NEDD4L: variants seen among roughly 807,000 people sequenced by gnomAD.
NEDD4L encodes the protein E3 ubiquitin-protein ligase NEDD4-like.
NEDD4L carries 54 observed loss-of-function variants against 148.9 expected under a neutral mutation model. The ratio of observed to expected loss-of-function variants is 0.36; its 90% CI spans 0.29 to 0.45. The LOEUF (loss-of-function observed/expected upper bound fraction) is 0.45. Among genes scored for constraint, NEDD4L ranks in the 20% least tolerant of loss-of-function variants. The probability of loss-of-function intolerance (pLI) is 1.00; values close to 1 mark genes in which losing one functional copy is unlikely to be tolerated. For synonymous variants in NEDD4L, 433 were observed against 440.7 expected, an observed-to-expected ratio of 0.98 and a Z score of 0.22; for missense variants, 856 against 1,233.8, an observed-to-expected ratio of 0.69 and a Z score of 4.59.
At chr18:58,291,837 G>A (rs4941379) in intron 5 of NEDD4L, among the ~76,000 whole-genome samples, 64,627 of 151,760 alleles carry the variant, frequency 0.43, 14,119 homozygotes, top group African/African-American at 0.52. Flanking sequence ...CTAGTATAAA[G>A]ATGTATTCAG....
intron 23 of NEDD4L, 96 bp downstream of exon 23, chr18:58,370,563 TG>T (rs2046726850): frequency 2.3e-5 from 18 of 787,144 alleles, no homozygotes; most frequent in Non-Finnish European, 4.1e-5. Context: ...GCCACTTTTA[TG>T]GGTGTTGCAT....
Position 58,075,768 on chromosome 18 carries a change from AT to A in NEDD4L, c.48+31070del, listed in dbSNP as rs769915456. ...ATAGCAAGACCCCCATCCCTACAAAATTTTTTTTTTAAATTAGCTGGTGGTG... is the reference window on the plus strand; with the variant it reads ...ATAGCAAGACCCCCATCCCTACAAAATTTTTTTTTAAATTAGCTGGTGGTG... On this transcript the variant is annotated intron_variant, in intron 1 of 30. Coordinates refer to ENST00000400345, the MANE Select transcript of NEDD4L (RefSeq NM_001144967.3). Among the ~76,000 whole-genome samples, 41 of 150,812 alleles carry A rather than the reference AT, an allele frequency of 2.7e-4. 1 individual carries two copies. Among genetic ancestry groups the A allele is most frequent in the African/African-American group, 6.6e-4 (27 of 41,136 alleles).
At chr18:58,270,414 C>T (rs2050870219) in intron 5 of NEDD4L, among the ~76,000 whole-genome samples, 1 of 152,220 alleles carries the variant, frequency 6.6e-6, no homozygotes, top group African/African-American at 2.4e-5. Flanking sequence ...AACTGTAGCT[C>T]AGTCTTGGCC....
chr18:58,044,664 G>A lies in NEDD4L; in HGVS notation c.4G>A (p.Ala2Thr). The A allele has an allele frequency of 6.2e-7, 1 of 1,601,856 alleles. No homozygotes were observed. Among genetic ancestry groups the A allele is most frequent in the Non-Finnish European group, 8.5e-7 (1 of 1,174,628 alleles). M[A>T]TGLGEPVYGL... is the part of the protein sequence containing the mutation. ...CCCCGCGCGGGGCGCCGGCTCCATG[G>A]CGACCGGGCTCGGGGAGCCGGTCTA... The change falls in exon 1 of 31, where the codon GCG becomes ACG. Residue 2 changes from alanine (A) to threonine (T), a missense_variant. Ala to Thr is a moderately conservative substitution (Grantham distance 58). This residue lies in a region of NEDD4L where 193 missense variants were observed against 244.2 expected (regional missense o/e 0.79). Coordinates refer to ENST00000400345, the MANE Select transcript of NEDD4L (RefSeq NM_001144967.3).
chr18:58,240,059 G>A (rs971182908), intron 2 of NEDD4L, among the ~76,000 whole-genome samples: 12 of 152,274 alleles, frequency 7.9e-5, no homozygotes, highest in Admixed American at 5.2e-4. Flanking sequence ...TGAGTATCTT[G>A]GCATCTGTCA....
At chr18:58,244,364 C>T (rs2046997469) in intron 2 of NEDD4L, among the ~76,000 whole-genome samples, 1 of 151,980 alleles carries the variant, frequency 6.6e-6, no homozygotes, top group South Asian at 2.1e-4. Context: ...TCTTCTATAC[C>T]CTAAATTCTT....
intron 2 of NEDD4L, among the ~76,000 whole-genome samples, chr18:58,167,699 A>G (rs975228011): frequency 1.3e-5 from 2 of 151,982 alleles, no homozygotes; most frequent in Non-Finnish European, 2.9e-5. Flanking sequence ...ACTACTTAAC[A>G]TATAGAGCAT....
At chr18:58,264,566 G>C (rs967261305) in intron 5 of NEDD4L, among the ~76,000 whole-genome samples, 1 of 152,042 alleles carries the variant, frequency 6.6e-6, no homozygotes, top group African/African-American at 2.4e-5. Context: ...GGGGGTACAT[G>C]TGATATCTTG....
intron 5 of NEDD4L, among the ~76,000 whole-genome samples, chr18:58,293,670 CT>C (rs2149149327): frequency 6.6e-6 from 1 of 152,260 alleles, no homozygotes; most frequent in Non-Finnish European, 1.5e-5. Context: ...CATATGTTTT[CT>C]GGTATATAAT....
chr18:58,280,116 C>T (rs1389611359), intron 5 of NEDD4L, among the ~76,000 whole-genome samples: 3 of 152,260 alleles, frequency 2.0e-5, no homozygotes, highest in Admixed American at 6.5e-5. Flanking sequence ...CTGTGTTTCC[C>T]GGGCTGGTCT....
In NEDD4L at chr18:58,161,863, C is replaced by T. The variant is rs190498689; in HGVS notation, c.49-3925C>T. Among the ~76,000 whole-genome samples the T allele has an allele frequency of 6.6e-5, 10 of 152,198 alleles. No homozygotes were observed. The East Asian group carries it at 1.9e-3, about 29-fold the overall frequency. On this transcript the variant is annotated intron_variant, in intron 1 of 30. Transcript: ENST00000400345. ...TATGGGGCCAGTTTTGAAGAGGCCT[C>T]ATACCTTTTGGCCACATTCCATTGG... is the stretch of plus-strand genomic sequence containing the variant.
intron 2 of NEDD4L, among the ~76,000 whole-genome samples, chr18:58,205,982 A>G (rs1599692196): frequency 6.6e-6 from 1 of 152,182 alleles, no homozygotes; most frequent in East Asian, 1.9e-4. Context: ...TCCAGTTCAG[A>G]TACCACCTTC....
At chr18:58,350,920 T>TCC in intron 17 of NEDD4L, 71 bp from the exon 18 acceptor site, 1 of 1,210,914 alleles carries the variant, frequency 8.3e-7, no homozygotes, top group East Asian at 2.5e-5. Flanking sequence ...AGTTTTTAAA[T>TCC]GTTGCCTTTG....
At chr18:58,189,874 A>G (rs1368977808) in intron 2 of NEDD4L, 2 of 152,174 alleles carry the variant, frequency 1.3e-5, no homozygotes, top group East Asian at 1.9e-4. Context: ...GAAGTCAAGT[A>G]TCTTCTATTT....
intron 2 of NEDD4L, among the ~76,000 whole-genome samples, chr18:58,203,031 A>G (rs1433228850): frequency 6.6e-6 from 1 of 151,952 alleles, no homozygotes; most frequent in Admixed American, 6.6e-5. Flanking sequence ...ACTGAGACAC[A>G]CTTGTAGCTC....
chr18:58,045,548 C>T (rs528114071), intron 1 of NEDD4L: 132 of 157,470 alleles, frequency 8.4e-4, no homozygotes, highest in Non-Finnish European at 1.3e-3. Flanking sequence ...CCCACTCCCC[C>T]CTTTTGAAAC....
In NEDD4L at chr18:58,361,350, A is replaced by T. The variant is rs146513932; in HGVS notation, c.1768-2918A>T. Among the ~76,000 whole-genome samples the T allele has an allele frequency of 1.5e-3, 235 of 152,354 alleles. 1 individual carries two copies. Among genetic ancestry groups the T allele is most frequent in the Admixed American group, 2.9e-3 (44 of 15,310 alleles). ...TCCTGTAAGTTAGCATGCTCTGTGT[A>T]TAGCAGATATCACTAGTAATAGCAT... On this transcript the variant is annotated intron_variant, in intron 19 of 30. Coordinates refer to ENST00000400345, the MANE Select transcript of NEDD4L (RefSeq NM_001144967.3).
At chr18:58,361,954 T>G (rs2045544442) in intron 19 of NEDD4L, among the ~76,000 whole-genome samples, 1 of 152,152 alleles carries the variant, frequency 6.6e-6, no homozygotes, top group Non-Finnish European at 1.5e-5. Context: ...CCTGGTACGT[T>G]GTTGGAAAGT....
chr18:58,311,284 TC>T (rs1351899114), intron 5 of NEDD4L, among the ~76,000 whole-genome samples: 1 of 152,244 alleles, frequency 6.6e-6, no homozygotes, highest in Non-Finnish European at 1.5e-5. Flanking sequence ...AAAAAATACT[TC>T]CTGTGTACCA....
Sources: allele counts gnomAD v4.1 joint callset (sites outside exome capture counted in the v4.1 genomes callset), GRCh38; gene constraint gnomAD v4.1.1; regional missense constraint gnomAD v4.1.1; transcripts MANE v1.5; gene names NCBI Gene and HGNC (gene_info 2026-07-23, HGNC 2026-07-21).